SCUBE1: variants seen among roughly 807,000 people sequenced by gnomAD.
SCUBE1 encodes the protein signal peptide, CUB and EGF-like domain-containing protein 1.
Under a neutral mutation model 124.4 loss-of-function variants are expected in SCUBE1, and 59 were observed. The ratio of observed to expected loss-of-function variants is 0.47; its 90% CI spans 0.38 to 0.59. The LOEUF (loss-of-function observed/expected upper bound fraction) is 0.59. Among genes scored for constraint, SCUBE1 ranks in the 20% least tolerant of loss-of-function variants. SCUBE1 has a pLI of 0.00. For missense variants in SCUBE1, 1,150 were observed against 1,371.2 expected, an observed-to-expected ratio of 0.84 and a Z score of 2.55; for synonymous variants, 545 against 550.9, an observed-to-expected ratio of 0.99 and a Z score of 0.15.
Position 43,339,043 on chromosome 22 carries a change from G to A in SCUBE1, c.220+61C>T, listed in dbSNP as rs1321833429. The A allele has an allele frequency of 3.5e-5, 56 of 1,597,860 alleles. No homozygotes were observed. In the South Asian group the frequency reaches 4.3e-4, roughly 12 times the overall value. On this transcript the variant is annotated intron_variant, in intron 2 of 21. Transcript: ENST00000360835. ...GCTGGTGATGAATGGGGCAGGCATC[G>A]GCCACCTACAGCAGCCCTGGCAGCC...
chr22:43,227,318 C>T, intron 10 of SCUBE1, 56 bp downstream of exon 10: 1 of 1,568,260 alleles, frequency 6.4e-7, no homozygotes, highest in South Asian at 1.1e-5. Context: ...GCCACTGTCC[C>T]TCCCATCCAA....
intron 7 of SCUBE1, chr22:43,232,382 G>A (rs1369456353): frequency 6.4e-6 from 1 of 156,708 alleles, no homozygotes; most frequent in Non-Finnish European, 1.4e-5. Context: ...AGGACTAGGT[G>A]AAAAAACACT....
chr22:43,207,983 C>T, intron 20 of SCUBE1, 89 bp downstream of exon 20: 1 of 1,464,558 alleles, frequency 6.8e-7, no homozygotes, highest in Non-Finnish European at 9.5e-7. Context: ...GTCGCAGCTC[C>T]CTGAGGGCGG....
intron 4 of SCUBE1, among the ~76,000 whole-genome samples, chr22:43,288,082 C>A (rs1925214739): frequency 6.6e-6 from 1 of 152,114 alleles, no homozygotes; most frequent in Admixed American, 6.5e-5. Context: ...GGACTGATTT[C>A]ATTGCCCAGA....
intron 4 of SCUBE1, among the ~76,000 whole-genome samples, chr22:43,287,944 TG>T (rs1482970831): frequency 6.6e-6 from 1 of 152,214 alleles, no homozygotes; most frequent in Admixed American, 6.5e-5. Context: ...TGGGCATTAA[TG>T]GGCCGCTGAC....
intron 14 of SCUBE1, among the ~76,000 whole-genome samples, chr22:43,219,985 G>GA (rs1459480159): frequency 7.9e-5 from 12 of 152,130 alleles, no homozygotes; most frequent in Admixed American, 7.9e-4. Flanking sequence ...CTTATCTGCT[G>GA]ACAGATCCCA....
intron 19 of SCUBE1, among the ~76,000 whole-genome samples, chr22:43,209,620 G>C (rs1921451187): frequency 6.6e-6 from 1 of 152,356 alleles, no homozygotes; most frequent in East Asian, 1.9e-4. Context: ...TGGTGCATGG[G>C]ACGGCCGTGT....
intron 4 of SCUBE1, among the ~76,000 whole-genome samples, chr22:43,286,661 T>C (rs1174225250): frequency 6.6e-6 from 1 of 152,198 alleles, no homozygotes; most frequent in Non-Finnish European, 1.5e-5. Context: ...AGCTCATGAC[T>C]GTACAGGAAC....
At chr22:43,228,710 G>A (rs1161872580) in intron 9 of SCUBE1, among the ~76,000 whole-genome samples, 1 of 151,776 alleles carries the variant, frequency 6.6e-6, no homozygotes, top group Non-Finnish European at 1.5e-5. Flanking sequence ...CCTCTACTCT[G>A]CCCCTCTCTG....
rs114394450 is a variant in SCUBE1, at chr22:43,219,787, T to A, written c.1687+663A>T. Among the ~76,000 whole-genome samples the A allele has an allele frequency of 5.2e-3, 799 of 152,228 alleles. 9 individuals carry two copies. Among genetic ancestry groups the A allele is most frequent in the African/African-American group, 0.018 (759 of 41,530 alleles). On this transcript the variant is annotated intron_variant, in intron 14 of 21. Coordinates refer to ENST00000360835, the MANE Select transcript of SCUBE1 (RefSeq NM_173050.5). ...AGTGTGCCCAGCCAGACTAAGACAT[T>A]TCCTAAGCCCTCCCGTGGGGGGCAG... is the stretch of plus-strand genomic sequence containing the variant.
At position 43,273,976 on chromosome 22, in the gene SCUBE1, C is replaced by A. The variant is rs542210439; in HGVS notation, c.485-11131G>T. ...GGGTGCTCTGTAAGGCTGGCCCGCT[C>A]CCTCTCCCCTGCCTGCTGGCTCCTC... On this transcript the variant is annotated intron_variant, in intron 4 of 21. Transcript: ENST00000360835. Among the ~76,000 whole-genome samples, 255 of 152,262 alleles carry A rather than the reference C, an allele frequency of 1.7e-3. 1 individual carries two copies. Among genetic ancestry groups the A allele is most frequent in the Non-Finnish European group, 3.0e-3 (206 of 68,018 alleles).
intron 3 of SCUBE1, among the ~76,000 whole-genome samples, chr22:43,312,045 C>G (rs2146775510): frequency 6.6e-6 from 1 of 152,268 alleles, no homozygotes; most frequent in East Asian, 1.9e-4. Context: ...GTGGGAAAGG[C>G]AGGGAGGGAG....
chr22:43,208,759 C>T (rs1170726505), intron 19 of SCUBE1, among the ~76,000 whole-genome samples: 1 of 152,216 alleles, frequency 6.6e-6, no homozygotes, highest in Non-Finnish European at 1.5e-5. Flanking sequence ...AAATCAGGAG[C>T]CGAGTGCGGC....
At chr22:43,241,049 G>A (rs536962401) in intron 6 of SCUBE1, among the ~76,000 whole-genome samples, 8 of 152,170 alleles carry the variant, frequency 5.3e-5, no homozygotes, top group South Asian at 2.1e-4. Context: ...GGCGCTAGGG[G>A]CAGTGACCCT....
intron 4 of SCUBE1, among the ~76,000 whole-genome samples, chr22:43,267,499 A>T (rs370500393): frequency 1.6e-4 from 24 of 152,306 alleles, no homozygotes; most frequent in African/African-American, 5.3e-4. Context: ...GATGTGGGAA[A>T]TTCGCAGCAC....
chr22:43,224,238 A>G (rs1922217477), intron 10 of SCUBE1, among the ~76,000 whole-genome samples: 1 of 152,120 alleles, frequency 6.6e-6, no homozygotes, highest in Non-Finnish European at 1.5e-5. Context: ...TGTCCTGCTG[A>G]TTGCTTTCTG....
At chr22:43,226,966 T>C (rs1008777318) in intron 10 of SCUBE1, among the ~76,000 whole-genome samples, 2 of 151,814 alleles carry the variant, frequency 1.3e-5, no homozygotes, top group African/African-American at 4.8e-5. Flanking sequence ...ACCCTCCTCC[T>C]CCCCCTCAGC....
At chr22:43,304,441 A>G (rs954940134) in intron 3 of SCUBE1, among the ~76,000 whole-genome samples, 1 of 152,220 alleles carries the variant, frequency 6.6e-6, no homozygotes, top group Non-Finnish European at 1.5e-5. Context: ...TCTATTAACC[A>G]TAGTGGGGTC....
chr22:43,280,362 C>T (rs1187456973), intron 4 of SCUBE1, among the ~76,000 whole-genome samples: 2 of 151,790 alleles, frequency 1.3e-5, no homozygotes, highest in African/African-American at 4.8e-5. Context: ...AGAGTCAGCT[C>T]ACCAAGTCTC....
Sources: allele counts gnomAD v4.1 joint callset (sites outside exome capture counted in the v4.1 genomes callset), GRCh38; gene constraint gnomAD v4.1.1; transcripts MANE v1.5; gene names NCBI Gene and HGNC (gene_info 2026-07-23, HGNC 2026-07-21).